Variants in PHACTR2 observed in about 807,000 individuals in gnomAD.
PHACTR2 encodes phosphatase and actin regulator 2, also known as chromosome 6 open reading frame 56.
A neutral mutation model predicts 76.0 loss-of-function variants in PHACTR2; 30 were observed. The observed-to-expected ratio is 0.39, with a 90% CI of 0.30 to 0.54. The LOEUF (loss-of-function observed/expected upper bound fraction) is 0.54, where lower values mean the gene tolerates loss of function less well. Ranked by LOEUF, PHACTR2 falls within the 20% of genes least tolerant of loss-of-function variation. The pLI is 0.61. For missense variants in PHACTR2, 696 were observed against 781.1 expected (o/e 0.89, Z 1.30); for synonymous variants, 292 against 292.5 (o/e 1.00, Z 0.02).
intron 1 of PHACTR2, among the ~76,000 whole-genome samples, chr6:143,703,555 T>C (rs761221452): frequency 3.9e-5 from 6 of 152,208 alleles, no homozygotes; most frequent in Non-Finnish European, 8.8e-5. Context: ...TAAAATCCTT[T>C]CAATACATTC....
intron 1 of PHACTR2, among the ~76,000 whole-genome samples, chr6:143,649,752 A>C (rs1223929097): frequency 1.3e-5 from 2 of 152,230 alleles, no homozygotes; most frequent in Non-Finnish European, 2.9e-5. Context: ...TGAATGGGAA[A>C]AGCTGGAAGC....
intron 11 of PHACTR2, among the ~76,000 whole-genome samples, chr6:143,802,941 A>C (rs1234300614): frequency 6.6e-6 from 1 of 152,136 alleles, no homozygotes; most frequent in Non-Finnish European, 1.5e-5. Flanking sequence ...TTTTCAAACA[A>C]CTAGTCCTTA....
intron 2 of PHACTR2, among the ~76,000 whole-genome samples, chr6:143,718,673 C>G (rs1778358186): frequency 6.6e-6 from 1 of 152,024 alleles, no homozygotes; most frequent in Non-Finnish European, 1.5e-5. Flanking sequence ...TATGTTTGGT[C>G]CTATTAAAGG....
chr6:143,665,296 G>T (rs1777015445), intron 1 of PHACTR2, among the ~76,000 whole-genome samples: 1 of 152,098 alleles, frequency 6.6e-6, no homozygotes, highest in Non-Finnish European at 1.5e-5. Flanking sequence ...AGTGGGATTT[G>T]CCTTTTCTGT....
At chr6:143,538,927 T>C (rs1264317535) in intron 1 of PHACTR2, among the ~76,000 whole-genome samples, 1 of 152,250 alleles carries the variant, frequency 6.6e-6, no homozygotes, top group Non-Finnish European at 1.5e-5. Flanking sequence ...TTTAACCACC[T>C]GCTCTTGGTG....
chr6:143,632,608 A>G (rs1191698836), intron 1 of PHACTR2, among the ~76,000 whole-genome samples: 1 of 152,198 alleles, frequency 6.6e-6, no homozygotes, highest in Non-Finnish European at 1.5e-5. Flanking sequence ...ATTATCACCT[A>G]AAGCCCAACA....
chr6:143,746,660 TGGTCAAGGTCCTTCTAAAG>T (rs1343476406), intron 2 of PHACTR2, among the ~76,000 whole-genome samples: 1 of 152,174 alleles, frequency 6.6e-6, no homozygotes. Context: ...GAGGCTGCAG[TGGTCAAGGTCCTTCTAAAG>T]CACCTGCAAA....
Position 143,774,877 on chromosome 6 carries a change from C to T in PHACTR2, c.1589+662C>T, listed in dbSNP as rs1031426066. Among the ~76,000 whole-genome samples, 1 of 152,222 alleles carries T rather than the reference C, an allele frequency of 6.6e-6. No individual in the cohort carries two copies. The highest frequency in any genetic ancestry group is 2.4e-5 in the African/African-American group (1 of 41,458). ...TTTGCTTTTGCCACTGGTGACTTTA[C>T]AAGTCCCTTTAACTGGCAGTTTTAA... On this transcript the variant is annotated intron_variant, in intron 8 of 12. Coordinates refer to ENST00000440869, the MANE Select transcript of PHACTR2 (RefSeq NM_001100164.2). The surrounding 1 kb of genome is among the most constrained non-coding windows in gnomAD (Gnocchi z 5.4).
rs527754823 is a variant in PHACTR2 at position 143,765,683 on chromosome 6, G to A, written c.1117G>A (p.Asp373Asn). 1.1e-4 allele frequency: 183 copies of A among 1,614,196 alleles called. 1 individual carries two copies. In the South Asian group the frequency reaches 1.9e-3, roughly 16 times the overall value. Reference protein sequence around the residue: ...TPVVLVSVGADLPVSALDPSQ... With the variant: ...TPVVLVSVGANLPVSALDPSQ... Reference sequence around the variant, plus strand: ...AGTTGTCCTCGTCAGCGTTGGAGCTGACCTGCCCGTCTCTGCCTTAGACCC... The same window carrying A: ...AGTTGTCCTCGTCAGCGTTGGAGCTAACCTGCCCGTCTCTGCCTTAGACCC... Residue 373 changes from aspartate to asparagine, a missense_variant, in exon 6 of 13, where the codon GAC becomes AAC. By Grantham distance (23) the Asp-to-Asn change is conservative (BLOSUM62 1). Coordinates refer to ENST00000440869, the MANE Select transcript of PHACTR2 (RefSeq NM_001100164.2). This position sits in a 1 kb window ranked among gnomAD's most constrained non-coding sequence, Gnocchi z 4.1.
At chr6:143,588,012 C>CTAAAATAAAATAAA (rs1775647875) in intron 1 of PHACTR2, among the ~76,000 whole-genome samples, 1 of 137,656 alleles carries the variant, frequency 7.3e-6, no homozygotes, top group Non-Finnish European at 1.6e-5. Flanking sequence ...AACTCTGTCT[C>CTAAAATAAAATAAA]TAAAATAAAA....
In PHACTR2 at chr6:143,585,210, G is replaced by C. The variant is rs1242690806; in HGVS notation, c.217+48003G>C. Among the ~76,000 whole-genome samples, 1 of 152,116 alleles carries C rather than the reference G, an allele frequency of 6.6e-6. No individual in the cohort carries two copies. The highest frequency in any genetic ancestry group is 1.5e-5 in the Non-Finnish European group (1 of 68,018). On this transcript the variant is annotated intron_variant, in intron 1 of 11. Transcript: ENST00000367584. The surrounding 1 kb of genome is among the most constrained non-coding windows in gnomAD (Gnocchi z 5.2). ...GCTTAGTGGGGTAGAGACTGCATCT[G>C]CACCATGAGGCAGCAAGAATATGGA...
chr6:143,724,593 C>T (rs1264089666), intron 2 of PHACTR2, among the ~76,000 whole-genome samples: 2 of 152,132 alleles, frequency 1.3e-5, no homozygotes, highest in African/African-American at 4.8e-5. Flanking sequence ...ATAGAGGTCC[C>T]AGCCCCGAGT....
chr6:143,596,900 C>T lies in PHACTR2; in HGVS notation c.217+59693C>T, dbSNP rs1054546808. ...TCCAACTCTGGGGCTGTTGCTAGGG[C>T]TCTGCAGCCCTTGCTGAAAGTCCTG... On this transcript the variant is annotated intron_variant, in intron 1 of 11. Transcript: ENST00000367584. This position sits in a 1 kb window ranked among gnomAD's most constrained non-coding sequence, Gnocchi z 4.6. Among the ~76,000 whole-genome samples, 1 of 152,188 alleles carries T rather than the reference C, an allele frequency of 6.6e-6. No homozygotes were observed. The highest frequency in any genetic ancestry group is 2.4e-5 in the African/African-American group (1 of 41,446).
intron 2 of PHACTR2, among the ~76,000 whole-genome samples, chr6:143,726,155 GTTTAAC>G (rs1778565597): frequency 6.6e-6 from 1 of 152,210 alleles, no homozygotes; most frequent in Non-Finnish European, 1.5e-5. Flanking sequence ...TTAAATGTGT[GTTTAAC>G]TTTATAAGCA....
At chr6:143,804,475 G>A (rs1371917622) in intron 11 of PHACTR2, among the ~76,000 whole-genome samples, 1 of 152,206 alleles carries the variant, frequency 6.6e-6, no homozygotes, top group African/African-American at 2.4e-5. Context: ...CAGAGTCAAG[G>A]CTGGAGAGAC....
At position 143,664,174 on chromosome 6, in the gene PHACTR2, A is replaced by AT. The variant is rs1425042484; in HGVS notation, c.14-47838dup. 1.4e-4 allele frequency among the ~76,000 whole-genome samples: 22 copies of AT among 152,144 alleles called. No individual in the cohort carries two copies. The highest frequency in any genetic ancestry group is 5.1e-4 in the African/African-American group (21 of 41,534). On this transcript the variant is annotated intron_variant, in intron 1 of 11. Transcript: ENST00000305766. The surrounding 1 kb of genome is among the most constrained non-coding windows in gnomAD (Gnocchi z 5.1). ...AATATGTCCCTCTATACTATTTGTT[A>AT]TTTTACCTTCAGTTTTAATTTATCT...
In PHACTR2 at chr6:143,818,292, T is replaced by C. The variant is rs1404838444; in HGVS notation, c.1923-5382T>C. ...GACATGTTTTGATCTCATACTGAAA[T>C]GTAGGTTAGGAAGACAGTCTGGAGC... On this transcript the variant is annotated intron_variant, in intron 12 of 12. Coordinates refer to ENST00000440869, the MANE Select transcript of PHACTR2 (RefSeq NM_001100164.2). The surrounding 1 kb of genome is among the most constrained non-coding windows in gnomAD (Gnocchi z 4.9). Among the ~76,000 whole-genome samples, 4 of 152,124 alleles carry C rather than the reference T, an allele frequency of 2.6e-5. No individual in the cohort carries two copies. The East Asian group carries it at 7.7e-4, about 29-fold the overall frequency.
chr6:143,563,551 C>CAAAAAAAAAAAAA (rs76587878), intron 1 of PHACTR2, among the ~76,000 whole-genome samples: 62 of 29,960 alleles, frequency 2.1e-3, no homozygotes, highest in African/African-American at 4.9e-3. Context: ...AACTCCGTCT[C>CAAAAAAAAAAAAA]AAAAAAAAAA....
In PHACTR2 at chr6:143,821,237, A is replaced by G. The variant is rs1257779490; in HGVS notation, c.1923-2437A>G. 6.6e-6 allele frequency among the ~76,000 whole-genome samples: 1 copy of G among 152,260 alleles called. No homozygotes were observed. The highest frequency in any genetic ancestry group is 1.5e-5 in the Non-Finnish European group (1 of 68,046). On this transcript the variant is annotated intron_variant, in intron 12 of 12. Transcript: ENST00000440869. This position sits in a 1 kb window ranked among gnomAD's most constrained non-coding sequence, Gnocchi z 5.2. ...AAGTGGACACATTCCTGCTTTAGTAATAAATTGCCTACCAGTTTTGTAAAG... is the reference window on the plus strand; with the variant it reads ...AAGTGGACACATTCCTGCTTTAGTAGTAAATTGCCTACCAGTTTTGTAAAG...
Sources: allele counts gnomAD v4.1 joint callset (sites outside exome capture counted in the v4.1 genomes callset), GRCh38; gene constraint gnomAD v4.1.1; non-coding constraint Gnocchi (gnomAD v3.1); transcripts MANE v1.5; gene names NCBI Gene and HGNC (gene_info 2026-07-23, HGNC 2026-07-21).